The following CACNA1C variants were observed in gnomAD, a reference collection of about 807,000 sequenced individuals.
CACNA1C encodes voltage-dependent L-type calcium channel subunit alpha-1C.
A neutral mutation model predicts 229.0 loss-of-function variants in CACNA1C; 30 were observed. The ratio of observed to expected loss-of-function variants is 0.13; its 90% CI spans 0.10 to 0.18. CACNA1C has a LOEUF of 0.18. Ranked by LOEUF, CACNA1C falls within the 10% of genes least tolerant of loss-of-function variation. The probability of loss-of-function intolerance (pLI) is 1.00; values close to 1 mark genes in which losing one functional copy is unlikely to be tolerated. For missense variants in CACNA1C, 1,658 were observed against 2,845.0 expected (o/e 0.58, Z 9.49); for synonymous variants, 1,114 against 1,132.5 (o/e 0.98, Z 0.33).
intron 4 of CACNA1C, among the ~76,000 whole-genome samples, chr12:2,450,132 A>G (rs1443097886): frequency 6.6e-6 from 1 of 152,236 alleles, no homozygotes. Context: ...CAAAACAGCA[A>G]TGCAAAGAAT....
chr12:2,552,159 A>G (rs2041638265), intron 10 of CACNA1C, among the ~76,000 whole-genome samples: 1 of 152,188 alleles, frequency 6.6e-6, no homozygotes, highest in Non-Finnish European at 1.5e-5. Context: ...GGGAGGAGGA[A>G]TTTCAGGACA....
Position 1,971,979 on chromosome 12 carries a change from T to A in CACNA1C, c.139+778T>A, listed in dbSNP as rs1447538277. 2.0e-5 allele frequency among the ~76,000 whole-genome samples: 3 copies of A among 152,266 alleles called. No individual in the cohort carries two copies. The highest frequency in any genetic ancestry group is 1.3e-4 in the Admixed American group (2 of 15,284). On this transcript the variant is annotated intron_variant, in intron 1 of 46. Transcript: ENST00000682462. This position sits in a 1 kb window ranked among gnomAD's most constrained non-coding sequence, Gnocchi z 4.2. ...TATATCCATTCAATTAGGAAGTGGA[T>A]GATAAACACATAATTACATGGGTAA...
intron 3 of CACNA1C, among the ~76,000 whole-genome samples, chr12:2,311,573 G>A (rs757308644): frequency 6.7e-4 from 102 of 152,282 alleles, no homozygotes; most frequent in Non-Finnish European, 1.9e-4. Flanking sequence ...GCAAACAGGC[G>A]ACAGCGTGAG....
intron 1 of CACNA1C, among the ~76,000 whole-genome samples, chr12:2,017,273 G>A (rs1389987913): frequency 6.6e-6 from 1 of 152,152 alleles, no homozygotes; most frequent in Non-Finnish European, 1.5e-5. Context: ...AAAAGAGTAA[G>A]CAACTAAAAA....
intron 27 of CACNA1C, among the ~76,000 whole-genome samples, chr12:2,609,596 G>A (rs896535395): frequency 1.3e-5 from 2 of 149,918 alleles, no homozygotes; most frequent in Non-Finnish European, 3.0e-5. Flanking sequence ...TGATGGTAGC[G>A]ATGGAAAGAA....
chr12:2,666,751 G>T lies in CACNA1C; in HGVS notation c.4592G>T (p.Gly1531Val). 6.2e-7 allele frequency: 1 copy of T among 1,606,824 alleles called. No homozygotes were observed. The highest frequency in any genetic ancestry group is 1.1e-5 in the South Asian group (1 of 89,118). The change falls in exon 37 of 47, where the codon GGG becomes GTG. Residue 1531 changes from glycine to valine, a missense_variant. Around this residue, in one of 20 missense-constraint regions of CACNA1C, gnomAD observed 151 missense variants for 344.4 expected, o/e 0.44. Coordinates refer to ENST00000399655, the MANE Select transcript of CACNA1C (RefSeq NM_000719.7). The surrounding 1 kb of genome is among the most constrained non-coding windows in gnomAD (Gnocchi z 5.3). ...CGGATTCAGCCGCCACTAGGTTTTG[G>T]GAAGCTGTGCCCTCACCGCGTGGCT... is the stretch of plus-strand genomic sequence containing the variant. ...LRRIQPPLGF[G>V]KLCPHRVACK... is the part of the protein sequence containing the mutation.
intron 34 of CACNA1C, among the ~76,000 whole-genome samples, chr12:2,658,879 T>C (rs563345753): frequency 2.0e-5 from 3 of 151,900 alleles, no homozygotes; most frequent in Non-Finnish European, 2.9e-5. Flanking sequence ...AAGTTCAATA[T>C]TAAAAAAACA....
In CACNA1C at chr12:2,486,305, A is replaced by G. The variant is rs747897118; in HGVS notation, c.916+43A>G. Reference sequence around the variant, plus strand: ...CTGCGCTCCCAAGGCCCTGCCCTCTATCGCTCCCAGCACCTTTCCCGCTGC... The same window carrying G: ...CTGCGCTCCCAAGGCCCTGCCCTCTGTCGCTCCCAGCACCTTTCCCGCTGC... On this transcript the variant is annotated intron_variant, in intron 6 of 46. Coordinates refer to ENST00000399655, the MANE Select transcript of CACNA1C (RefSeq NM_000719.7). The surrounding 1 kb of genome is among the most constrained non-coding windows in gnomAD (Gnocchi z 4.9). 2 of 1,563,934 alleles carry G rather than the reference A, an allele frequency of 1.3e-6. No homozygotes were observed. The highest frequency in any genetic ancestry group is 1.7e-6 in the Non-Finnish European group (2 of 1,143,706).
intron 3 of CACNA1C, among the ~76,000 whole-genome samples, chr12:2,436,811 CACAT>C (rs2099139392): frequency 6.6e-6 from 1 of 152,196 alleles, no homozygotes. Context: ...AATTTTATCT[CACAT>C]ACAGGAAGCC....
At chr12:2,235,770 C>T (rs770546634) in intron 3 of CACNA1C, among the ~76,000 whole-genome samples, 21 of 152,152 alleles carry the variant, frequency 1.4e-4, no homozygotes, top group Non-Finnish European at 2.4e-4. Context: ...CTCTGGCAGG[C>T]AGGTAGGAGC....
At position 2,654,349 on chromosome 12, in the gene CACNA1C, G is replaced by A. The variant is rs11062295; in HGVS notation, c.4140+449G>A. On this transcript the variant is annotated intron_variant, in intron 33 of 46. Transcript: ENST00000399655. The surrounding 1 kb of genome is among the most constrained non-coding windows in gnomAD (Gnocchi z 4.4). Reference sequence around the variant, plus strand: ...AGCTAATGGCTGAGAGGGAGGGAGGGAAGAAGGAAGCAAGGAAGGGCCAAA... The same window carrying A: ...AGCTAATGGCTGAGAGGGAGGGAGGAAAGAAGGAAGCAAGGAAGGGCCAAA... Among the ~76,000 whole-genome samples, 90,334 of 152,042 alleles carry A rather than the reference G, an allele frequency of 0.59. 30,046 individuals are homozygous for A. Among genetic ancestry groups the A allele is most frequent in the Admixed American group, 0.73 (11,078 of 15,278 alleles).
intron 3 of CACNA1C, among the ~76,000 whole-genome samples, chr12:2,269,273 C>T (rs1018081679): frequency 1.3e-5 from 2 of 152,118 alleles, no homozygotes; most frequent in African/African-American, 2.4e-5. Flanking sequence ...ATTTATAGAC[C>T]GGCTGAAAGA....
rs116738096 is a variant in CACNA1C at position 2,550,775 on chromosome 12, A to G, written c.1481+742A>G. Reference sequence around the variant, plus strand: ...CCTGGGCAAGCGCAGCCCTTTCACAACGCTGAGCTGTGGAAGAGTCTAAAC... The same window carrying G: ...CCTGGGCAAGCGCAGCCCTTTCACAGCGCTGAGCTGTGGAAGAGTCTAAAC... On this transcript the variant is annotated intron_variant, in intron 10 of 46. Transcript: ENST00000399655. 5.8e-3 allele frequency: 4,839 copies of G among 840,766 alleles called. 204 individuals are homozygous for G. The African/African-American group carries it at 0.078, about 13-fold the overall frequency. The allele number at this position is 840,766 out of a possible 1,614,324, so 52.1% of individuals were successfully genotyped here. A position where few individuals can be genotyped will look rare whatever the true frequency, so the allele number is the denominator to read the frequency against.
chr12:2,067,446 GCA>G lies in CACNA1C; in HGVS notation c.49+13837_49+13838del, dbSNP rs1355509615. Among the ~76,000 whole-genome samples, 2 of 128,772 alleles carry G rather than the reference GCA, an allele frequency of 1.6e-5. No individual in the cohort carries two copies. The highest frequency in any genetic ancestry group is 3.3e-5 in the Non-Finnish European group (2 of 60,854). The allele number at this position is 128,772 out of a possible 152,430, so 84.5% of individuals were successfully genotyped here. Reference sequence around the variant, plus strand: ...TGGGCTTAGGACTGTGGACTAGGATGCACGTGTGTGTGTGTGTGTGTGTGTGT... The same window carrying G: ...TGGGCTTAGGACTGTGGACTAGGATGCGTGTGTGTGTGTGTGTGTGTGTGT... On this transcript the variant is annotated intron_variant, in intron 1 of 46. Coordinates refer to ENST00000399655, the MANE Select transcript of CACNA1C (RefSeq NM_000719.7). This position sits in a 1 kb window ranked among gnomAD's most constrained non-coding sequence, Gnocchi z 5.3.
At chr12:2,135,186 G>A (rs1163907683) in intron 3 of CACNA1C, among the ~76,000 whole-genome samples, 2 of 144,830 alleles carry the variant, frequency 1.4e-5, no homozygotes, top group African/African-American at 5.3e-5. Context: ...CTCTGTATTG[G>A]TTATTCTAGT....
intron 3 of CACNA1C, among the ~76,000 whole-genome samples, chr12:2,137,491 C>T (rs191460452): frequency 6.6e-6 from 1 of 151,042 alleles, no homozygotes; most frequent in Admixed American, 6.7e-5. Context: ...GAGGCTGAGA[C>T]GGGAGGAGTG....
Position 2,354,086 on chromosome 12 carries a change from C to T in CACNA1C, c.478-94890C>T, listed in dbSNP as rs1451481575. ...CGGGAGCTGGGTGAAAGTGGCAGAG[C>T]TGGGAGGTTGCTCTGAAATGCTGAT... On this transcript the variant is annotated intron_variant, in intron 3 of 46. Coordinates refer to ENST00000399655, the MANE Select transcript of CACNA1C (RefSeq NM_000719.7). This position sits in a 1 kb window ranked among gnomAD's most constrained non-coding sequence, Gnocchi z 4.6. 6.6e-6 allele frequency among the ~76,000 whole-genome samples: 1 copy of T among 152,182 alleles called. No homozygotes were observed. The highest frequency in any genetic ancestry group is 1.5e-5 in the Non-Finnish European group (1 of 68,022).
chr12:2,172,731 G>C (rs2096533569), intron 3 of CACNA1C, among the ~76,000 whole-genome samples: 1 of 152,198 alleles, frequency 6.6e-6, no homozygotes, highest in Admixed American at 6.5e-5. Flanking sequence ...TTATCTTAAC[G>C]TCACAGAAAG....
At chr12:2,252,061 C>T (rs1183540886) in intron 3 of CACNA1C, among the ~76,000 whole-genome samples, 2 of 152,202 alleles carry the variant, frequency 1.3e-5, no homozygotes, top group African/African-American at 2.4e-5. Context: ...CTGTGTAGCC[C>T]ACTCCATGTC....
Sources: gnomAD v4.1 joint callset for allele counts (sites outside exome capture counted in the v4.1 genomes callset) on GRCh38, gnomAD v4.1.1 for gene constraint, gnomAD v4.1.1 regional missense constraint, Gnocchi (gnomAD v3.1) non-coding constraint, MANE v1.5 for transcripts, NCBI Gene and HGNC (gene_info 2026-07-23, HGNC 2026-07-21) for gene names.